PGR: variants seen among roughly 807,000 people sequenced by gnomAD.
PGR encodes the protein nuclear receptor subfamily 3 group C member 3.
Under a neutral mutation model 76.1 loss-of-function variants are expected in PGR, and 25 were observed. The ratio of observed to expected loss-of-function variants is 0.33; its 90% CI spans 0.24 to 0.46. The LOEUF (loss-of-function observed/expected upper bound fraction) is 0.46. Ranked by LOEUF, PGR falls within the 20% of genes least tolerant of loss-of-function variation. The pLI is 1.00. For synonymous variants in PGR, 579 were observed against 535.0 expected (o/e 1.08, Z -1.14); for missense variants, 1,172 against 1,225.3 (o/e 0.96, Z 0.65).
rs181814013 is a variant in PGR, at chr11:101,125,684, T to C, written c.1789+323A>G. Among the ~76,000 whole-genome samples the C allele has an allele frequency of 1.1e-4, 17 of 152,312 alleles. 1 individual carries two copies. The highest frequency in any genetic ancestry group is 6.5e-4 in the Admixed American group (10 of 15,304). On this transcript the variant is annotated intron_variant, in intron 2 of 7. Transcript: ENST00000325455. ...TACACATATACCTACATAATAGATA[T>C]ATAAAAGTACTATTAGAACAAAGCT...
chr11:101,107,032 G>A, intron 2 of PGR, among the ~76,000 whole-genome samples: 1 of 152,130 alleles, frequency 6.6e-6, no homozygotes, highest in East Asian at 1.9e-4. Context: ...TGGACTTAGG[G>A]AGGGGAACAT....
intron 3 of PGR, among the ~76,000 whole-genome samples, chr11:101,065,643 T>C (rs1021624214): frequency 7.2e-5 from 11 of 152,110 alleles, no homozygotes; most frequent in Admixed American, 5.9e-4. Flanking sequence ...ACCTGGTATT[T>C]TGGGTAATCT....
At chr11:101,089,946 C>A (rs1164749527) in intron 3 of PGR, among the ~76,000 whole-genome samples, 1 of 152,190 alleles carries the variant, frequency 6.6e-6, no homozygotes, top group East Asian at 1.9e-4. Flanking sequence ...CGCCTGTAAT[C>A]CCAGCACTTT....
In PGR at chr11:101,039,112, A is replaced by G; in HGVS notation, c.*4T>C. On this transcript the variant is annotated 3_prime_UTR_variant, in exon 8 of 8. Coordinates refer to ENST00000325455, the MANE Select transcript of PGR (RefSeq NM_000926.4). ...TTTAATTCTTTAAAAGAAAAAGATG[A>G]CATTCACTTTTTATGAAAGAGAAGG... 2.5e-6 allele frequency: 4 copies of G among 1,608,358 alleles called. No homozygotes were observed. Among genetic ancestry groups the G allele is most frequent in the Non-Finnish European group, 3.4e-6 (4 of 1,175,374 alleles).
chr11:101,039,475 T>A (rs1317682347), intron 7 of PGR, among the ~76,000 whole-genome samples: 1 of 151,960 alleles, frequency 6.6e-6, no homozygotes, highest in Non-Finnish European at 1.5e-5. Flanking sequence ...CATTCTGATA[T>A]TATGGAAAGA....
At chr11:101,114,840 T>C (rs1862453623) in intron 2 of PGR, among the ~76,000 whole-genome samples, 1 of 152,172 alleles carries the variant, frequency 6.6e-6, no homozygotes, top group African/African-American at 2.4e-5. Context: ...GACATTAATC[T>C]TTCCAATATA....
chr11:101,047,196 C>T (rs1859918842), intron 6 of PGR, among the ~76,000 whole-genome samples: 1 of 152,152 alleles, frequency 6.6e-6, no homozygotes, highest in African/African-American at 2.4e-5. Flanking sequence ...TAAGTGACAA[C>T]AATGAGCAAA....
At position 101,129,218 on chromosome 11, in the gene PGR, G is replaced by T; in HGVS notation, c.-148C>A. 4.6e-6 allele frequency: 1 copy of T among 215,496 alleles called. No individual in the cohort carries two copies. Among genetic ancestry groups the T allele is most frequent in the Non-Finnish European group, 9.3e-6 (1 of 107,322 alleles). The allele number at this position is 215,496 out of a possible 1,614,324, so 13.3% of individuals were successfully genotyped here. ...GGAGGGATCTCCACCTCCTGGGTCGGGGGCGGGGGAGGGCGGCGCTGGTCA... is the reference window on the plus strand; with the variant it reads ...GGAGGGATCTCCACCTCCTGGGTCGTGGGCGGGGGAGGGCGGCGCTGGTCA... On this transcript the variant is annotated 5_prime_UTR_variant, in exon 1 of 8. Coordinates refer to ENST00000325455, the MANE Select transcript of PGR (RefSeq NM_000926.4).
At chr11:101,091,181 A>AT (rs909435073) in intron 3 of PGR, among the ~76,000 whole-genome samples, 1 of 152,080 alleles carries the variant, frequency 6.6e-6, no homozygotes, top group Non-Finnish European at 1.5e-5. Flanking sequence ...TCTGACATTA[A>AT]TTTTTTAAAT....
chr11:101,072,975 T>C (rs1485112596), intron 3 of PGR, among the ~76,000 whole-genome samples: 1 of 152,200 alleles, frequency 6.6e-6, no homozygotes, highest in Non-Finnish European at 1.5e-5. Flanking sequence ...CAAGTGGACC[T>C]AAGAGACATC....
chr11:101,116,879 C>A lies in PGR; in HGVS notation c.1789+9128G>T, dbSNP rs1015032763. ...GATCAAATGGGTACAATTTTTTACC[C>A]AGAATGATATTGTTCCTTGCTTTTT... On this transcript the variant is annotated intron_variant, in intron 2 of 7. Coordinates refer to ENST00000325455, the MANE Select transcript of PGR (RefSeq NM_000926.4). 3.3e-5 allele frequency among the ~76,000 whole-genome samples: 5 copies of A among 152,064 alleles called. No homozygotes were observed. The East Asian group carries it at 7.7e-4, about 24-fold the overall frequency.
At position 101,128,493 on chromosome 11, in the gene PGR, C is replaced by A. The variant is rs897859352; in HGVS notation, c.578G>T (p.Arg193Leu). Residue 193 changes from arginine to leucine, a missense_variant, in exon 1 of 8, where the codon CGG becomes CTG. Arg to Leu is a moderately radical substitution (Grantham distance 102). Coordinates refer to ENST00000325455, the MANE Select transcript of PGR (RefSeq NM_000926.4). ...KVLPRGLSPARQLLLPASESP... is the reference protein window; with the variant it reads ...KVLPRGLSPALQLLLPASESP... Reference sequence around the variant, plus strand: ...CTCAGAGGCCGGGAGCAGCAGCTGCCGGGCTGGTGACAGGCCCCGGGGCAG... The same window carrying A: ...CTCAGAGGCCGGGAGCAGCAGCTGCAGGGCTGGTGACAGGCCCCGGGGCAG... The A allele has an allele frequency of 1.2e-6, 2 of 1,605,602 alleles. No homozygotes were observed. Among genetic ancestry groups the A allele is most frequent in the African/African-American group, 1.3e-5 (1 of 74,876 alleles).
intron 6 of PGR, among the ~76,000 whole-genome samples, chr11:101,042,926 G>C (rs1859742143): frequency 6.6e-6 from 1 of 152,182 alleles, no homozygotes; most frequent in African/African-American, 2.4e-5. Flanking sequence ...TCTTCCCTGA[G>C]TCAAAATCTT....
chr11:101,117,705 C>A (rs1862554186), intron 2 of PGR, among the ~76,000 whole-genome samples: 1 of 151,850 alleles, frequency 6.6e-6, no homozygotes, highest in African/African-American at 2.4e-5. Flanking sequence ...AAAAAACTAT[C>A]AAAAATAAAC....
In PGR at chr11:101,062,488, C is replaced by T; in HGVS notation, c.2171G>A (p.Arg724Lys). The change falls in exon 4 of 8, where the codon AGG (arginine) becomes AAG (lysine). Residue 724 changes from arginine (R) to lysine (K), a missense_variant. Arg to Lys is a conservative substitution (Grantham distance 26). Coordinates refer to ENST00000325455, the MANE Select transcript of PGR (RefSeq NM_000926.4). Reference sequence around the variant, plus strand: ...CCACTTGACTACTGAAAGAAGTTGCCTCTCGCCTAGTTGATTAAGACTTGT... The same window carrying T: ...CCACTTGACTACTGAAAGAAGTTGCTTCTCGCCTAGTTGATTAAGACTTGT... ...LLTSLNQLGERQLLSVVKWSK... is the reference protein window; with the variant it reads ...LLTSLNQLGEKQLLSVVKWSK... 6.2e-7 allele frequency: 1 copy of T among 1,613,896 alleles called. No individual in the cohort carries two copies. The highest frequency in any genetic ancestry group is 8.5e-7 in the Non-Finnish European group (1 of 1,179,884).
chr11:101,043,256 T>G (rs888304128), intron 6 of PGR, among the ~76,000 whole-genome samples: 3 of 152,336 alleles, frequency 2.0e-5, no homozygotes, highest in South Asian at 2.1e-4. Flanking sequence ...TCACTAGAAG[T>G]AGATTCCAAC....
chr11:101,065,106 G>A (rs1455035127), intron 3 of PGR, among the ~76,000 whole-genome samples: 3 of 152,182 alleles, frequency 2.0e-5, no homozygotes, highest in Non-Finnish European at 4.4e-5. Flanking sequence ...ACTCTTAAAT[G>A]ACGCATGACT....
chr11:101,055,339 C>T (rs1019694984), intron 4 of PGR, among the ~76,000 whole-genome samples: 10 of 138,468 alleles, frequency 7.2e-5, no homozygotes, highest in African/African-American at 2.7e-4. Context: ...TGGTTTGAAC[C>T]CAGGAGGCTG....
Position 101,037,040 on chromosome 11 carries a change from C to A in PGR, c.*2076G>T, listed in dbSNP as rs1244406191. 1.0e-5 allele frequency: 2 copies of A among 193,610 alleles called. No homozygotes were observed. The highest frequency in any genetic ancestry group is 1.6e-4 in the East Asian group (2 of 12,298). 12.0% of individuals were successfully genotyped at this position (193,610 alleles called of 1,614,324 possible). On this transcript the variant is annotated 3_prime_UTR_variant, in exon 8 of 8. Transcript: ENST00000325455. Reference sequence around the variant, plus strand: ...ACAGTTCATTCTGAGAGGTGTCACTCTCACAGAGGTAGATTTCCTGTAACT... The same window carrying A: ...ACAGTTCATTCTGAGAGGTGTCACTATCACAGAGGTAGATTTCCTGTAACT...
Sources: allele counts gnomAD v4.1 joint callset (sites outside exome capture counted in the v4.1 genomes callset), GRCh38; gene constraint gnomAD v4.1.1; transcripts MANE v1.5; gene names NCBI Gene and HGNC (gene_info 2026-07-23, HGNC 2026-07-21).